CTDSPL2: variants seen among roughly 807,000 people sequenced by gnomAD.
CTDSPL2 encodes the protein CTD small phosphatase like 2.
Under a neutral mutation model 60.0 loss-of-function variants are expected in CTDSPL2, and 5 were observed. The observed-to-expected ratio is 0.08, with a 90% CI of 0.04 to 0.18. The LOEUF is 0.18. CTDSPL2 is among the 10% of genes least tolerant of loss of function. The probability of loss-of-function intolerance (pLI) is 1.00; values close to 1 mark genes in which losing one functional copy is unlikely to be tolerated. For missense variants in CTDSPL2, 370 were observed against 548.8 expected (o/e 0.67, Z 3.26); for synonymous variants, 186 against 189.3 (o/e 0.98, Z 0.14).
At position 44,519,260 on chromosome 15, in the gene CTDSPL2, A is replaced by T; in HGVS notation, c.1204A>T (p.Ile402Leu). The T allele has an allele frequency of 6.4e-7, 1 of 1,559,628 alleles. No homozygotes were observed. ...ILGRDLSKTI[I>L]IDNSPQAFAY... is the part of the protein sequence containing the mutation. The stretch of plus-strand genomic sequence containing the variant: ...TGGAAGAGATCTTTCAAAAACTATA[A>T]TAATTGACAACTCACCACAAGCCTT... Residue 402 changes from isoleucine (I) to leucine (L), a missense_variant, in exon 11 of 13, where the codon ATA becomes TTA. Physicochemically the swap from Ile to Leu is conservative, Grantham distance 5. Around this residue, in one of 6 missense-constraint regions of CTDSPL2, gnomAD observed 46 missense variants for 126.0 expected, o/e 0.37. Transcript: ENST00000260327.
chr15:44,473,330 C>CT (rs1189793153), intron 2 of CTDSPL2, among the ~76,000 whole-genome samples: 1 of 152,088 alleles, frequency 6.6e-6, no homozygotes, highest in African/African-American at 2.4e-5. Context: ...TAATCTCGCT[C>CT]TATCGCCCAG....
chr15:44,454,505 C>A (rs1454565674), intron 1 of CTDSPL2, among the ~76,000 whole-genome samples: 2 of 152,086 alleles, frequency 1.3e-5, no homozygotes, highest in African/African-American at 4.8e-5. Flanking sequence ...CTTGCCCATG[C>A]CTATGTCCTG....
intron 1 of CTDSPL2, among the ~76,000 whole-genome samples, chr15:44,442,913 C>CT (rs2080121491): frequency 6.6e-6 from 1 of 151,542 alleles, no homozygotes; most frequent in Admixed American, 6.6e-5. Flanking sequence ...GACGTTGAGG[C>CT]TGCAAGTAAG....
At position 44,521,689 on chromosome 15, in the gene CTDSPL2, A is replaced by G. The variant is rs565365439; in HGVS notation, c.1335+283A>G. Among the ~76,000 whole-genome samples the G allele has an allele frequency of 2.3e-3, 348 of 152,170 alleles. 2 individuals carry two copies. Among genetic ancestry groups the G allele is most frequent in the African/African-American group, 7.9e-3 (329 of 41,518 alleles). On this transcript the variant is annotated intron_variant, in intron 12 of 12. Transcript: ENST00000260327. ...CGCGGTGGCTCACGCCTGTAATCCC[A>G]GCACTTTGGGAGGCCGAGGCGGGCG... is the stretch of plus-strand genomic sequence containing the variant.
chr15:44,480,031 G>C (rs2080996752), intron 2 of CTDSPL2, among the ~76,000 whole-genome samples: 2 of 152,020 alleles, frequency 1.3e-5, no homozygotes, highest in Non-Finnish European at 2.9e-5. Flanking sequence ...GAATTTCTCT[G>C]TCTTTTCTCT....
At chr15:44,479,478 C>A (rs1463144901) in intron 2 of CTDSPL2, among the ~76,000 whole-genome samples, 1 of 137,586 alleles carries the variant, frequency 7.3e-6, no homozygotes, top group Non-Finnish European at 1.5e-5. Context: ...ATGGTCATGG[C>A]TCACTGCAGT....
chr15:44,506,632 C>G (rs533890609), intron 8 of CTDSPL2, among the ~76,000 whole-genome samples: 4 of 151,766 alleles, frequency 2.6e-5, no homozygotes, highest in Non-Finnish European at 5.9e-5. Context: ...CCAGGCTGGT[C>G]TCAAACTCCT....
chr15:44,433,794 A>G (rs2079913146), intron 1 of CTDSPL2, among the ~76,000 whole-genome samples: 1 of 151,976 alleles, frequency 6.6e-6, no homozygotes, highest in Non-Finnish European at 1.5e-5. Context: ...TACTAAAAAT[A>G]CAAAAAAAAT....
chr15:44,440,556 T>G (rs1395683684), intron 1 of CTDSPL2, among the ~76,000 whole-genome samples: 2 of 152,170 alleles, frequency 1.3e-5, no homozygotes, highest in Admixed American at 6.5e-5. Flanking sequence ...TGATGTTCAC[T>G]TTTTCCTTCC....
chr15:44,464,816 G>C (rs1003301818), intron 2 of CTDSPL2, among the ~76,000 whole-genome samples: 4 of 152,070 alleles, frequency 2.6e-5, no homozygotes, highest in African/African-American at 7.2e-5. Context: ...GCGATTTCTC[G>C]TGCCTCAGCC....
intron 2 of CTDSPL2, among the ~76,000 whole-genome samples, chr15:44,481,022 G>A (rs527273612): frequency 6.6e-6 from 1 of 152,000 alleles, no homozygotes; most frequent in East Asian, 1.9e-4. Context: ...CTAGGATTGG[G>A]TGACAAATTG....
In CTDSPL2 at chr15:44,486,682, T is replaced by A; in HGVS notation, c.457T>A (p.Ser153Thr). ...ATTTTCACCTGTCTTCAACTTTTTT[T>A]CACCAGCAAATAAAAATGGTAAGTA... ...TIFSPVFNFFSPANKNGTSGS... is the reference protein window; with the variant it reads ...TIFSPVFNFFTPANKNGTSGS... Residue 153 changes from serine to threonine, a missense_variant, in exon 4 of 13, where the codon TCA becomes ACA. Physicochemically the swap from Ser to Thr is moderately conservative, Grantham distance 58 (BLOSUM62 1). Transcript: ENST00000260327. 2.5e-6 allele frequency: 4 copies of A among 1,585,422 alleles called. No individual in the cohort carries two copies. Among genetic ancestry groups the A allele is most frequent in the Non-Finnish European group, 3.4e-6 (4 of 1,170,698 alleles).
intron 3 of CTDSPL2, among the ~76,000 whole-genome samples, chr15:44,485,560 G>T (rs2081103557): frequency 6.6e-6 from 1 of 152,206 alleles, no homozygotes; most frequent in South Asian, 2.1e-4. Flanking sequence ...AGAATCTAAT[G>T]CAGCAGCTTA....
chr15:44,519,254 A>G lies in CTDSPL2; in HGVS notation c.1198A>G (p.Thr400Ala). The G allele has an allele frequency of 6.4e-7, 1 of 1,561,342 alleles. No homozygotes were observed. The highest frequency in any genetic ancestry group is 8.6e-7 in the Non-Finnish European group (1 of 1,161,434). ...LNILGRDLSKTIIIDNSPQAF... is the reference protein window; with the variant it reads ...LNILGRDLSKAIIIDNSPQAF... ...TATTCTTGGAAGAGATCTTTCAAAA[A>G]CTATAATAATTGACAACTCACCACA... Residue 400 changes from threonine (T) to alanine (A), a missense_variant, in exon 11 of 13, where the codon ACT becomes GCT. Coordinates refer to ENST00000260327, the MANE Select transcript of CTDSPL2 (RefSeq NM_016396.3).
In CTDSPL2 at chr15:44,524,223, T is replaced by C. The variant is rs2081837541; in HGVS notation, c.*49T>C. ...GAAGGGGGAGAGAATGCAGGACCCT[T>C]TTGGACTAAGACAAAAACATTGCCA... On this transcript the variant is annotated 3_prime_UTR_variant, in exon 13 of 13. Coordinates refer to ENST00000260327, the MANE Select transcript of CTDSPL2 (RefSeq NM_016396.3). 1 of 1,489,898 alleles carries C rather than the reference T, an allele frequency of 6.7e-7. No individual in the cohort carries two copies. The allele number at this position is 1,489,898 out of a possible 1,614,324, so 92.3% of individuals were successfully genotyped here.
intron 8 of CTDSPL2, among the ~76,000 whole-genome samples, chr15:44,513,785 C>A (rs1031630336): frequency 6.6e-6 from 1 of 152,070 alleles, no homozygotes; most frequent in Non-Finnish European, 1.5e-5. Flanking sequence ...AAAATGAATA[C>A]AATTTAGAGG....
intron 1 of CTDSPL2, among the ~76,000 whole-genome samples, chr15:44,439,237 C>T (rs1393991408): frequency 1.3e-5 from 2 of 152,044 alleles, no homozygotes; most frequent in Admixed American, 6.6e-5. Flanking sequence ...CAACCTCTGC[C>T]TCCTGGGTTC....
chr15:44,466,137 A>G (rs979338043), intron 2 of CTDSPL2, among the ~76,000 whole-genome samples: 10 of 151,680 alleles, frequency 6.6e-5, no homozygotes, highest in African/African-American at 2.4e-4. Context: ...GGGTTTCACC[A>G]TGTTGGCCAC....
At chr15:44,451,560 C>G (rs1447481662) in intron 1 of CTDSPL2, among the ~76,000 whole-genome samples, 2 of 152,098 alleles carry the variant, frequency 1.3e-5, no homozygotes. Context: ...TGTTGTAAGC[C>G]TGGCACATGA....
Sources: allele counts gnomAD v4.1 joint callset (sites outside exome capture counted in the v4.1 genomes callset), GRCh38; gene constraint gnomAD v4.1.1; regional missense constraint gnomAD v4.1.1; transcripts MANE v1.5; gene names NCBI Gene and HGNC (gene_info 2026-07-23, HGNC 2026-07-21).